Variants in EXOC4 observed in about 807,000 individuals in gnomAD.
The protein encoded by EXOC4 is exocyst complex component 4, also known as SEC8-like 1.
A neutral mutation model predicts 107.2 loss-of-function variants in EXOC4; 71 were observed. The observed-to-expected ratio is 0.66, with a 90% CI of 0.55 to 0.81. The LOEUF is 0.81. EXOC4 is among the 30% of genes least tolerant of loss of function. EXOC4 has a pLI of 0.00. For missense variants in EXOC4, 1,108 were observed against 1,189.6 expected (o/e 0.93, Z 1.01); for synonymous variants, 456 against 441.2 (o/e 1.03, Z -0.42).
chr7:133,842,525 C>T lies in EXOC4; in HGVS notation c.1734+24981C>T, dbSNP rs150499583. Among the ~76,000 whole-genome samples, 740 of 152,202 alleles carry T rather than the reference C, an allele frequency of 4.9e-3. 3 individuals carry two copies. Among genetic ancestry groups the T allele is most frequent in the Middle Eastern group, 0.017 (5 of 294 alleles). On this transcript the variant is annotated intron_variant, in intron 11 of 17. Transcript: ENST00000253861. ...TATTGCTTGTAAATTTGTTTCAGTT[C>T]CTAATAGATGCTAGATATTAGACCT...
At chr7:133,353,890 C>T (rs1489440374) in intron 5 of EXOC4, among the ~76,000 whole-genome samples, 2 of 151,996 alleles carry the variant, frequency 1.3e-5, no homozygotes, top group African/African-American at 4.8e-5. Flanking sequence ...TCCCTGCTCA[C>T]ATCTGCCTTT....
intron 17 of EXOC4, among the ~76,000 whole-genome samples, chr7:134,052,175 T>A (rs1472257124): frequency 6.6e-6 from 1 of 151,974 alleles, no homozygotes; most frequent in Non-Finnish European, 1.5e-5. Context: ...GTTCAAGAAA[T>A]TCAACAATGA....
intron 7 of EXOC4, among the ~76,000 whole-genome samples, chr7:133,387,398 G>A (rs1437412779): frequency 6.6e-6 from 1 of 152,118 alleles, no homozygotes; most frequent in African/African-American, 2.4e-5. Flanking sequence ...CTAGACATCG[G>A]TGCTCTAACT....
chr7:133,512,355 G>A (rs1799785658), intron 9 of EXOC4, among the ~76,000 whole-genome samples: 1 of 152,062 alleles, frequency 6.6e-6, no homozygotes, highest in Non-Finnish European at 1.5e-5. Context: ...CTAGAACCCA[G>A]GAGGCAGAGG....
chr7:133,453,730 C>T (rs578162154), intron 7 of EXOC4, among the ~76,000 whole-genome samples: 4 of 151,896 alleles, frequency 2.6e-5, no homozygotes, highest in South Asian at 2.1e-4. Flanking sequence ...CTAAAGTTAT[C>T]GTCTCTTGGT....
chr7:133,426,674 T>C (rs1481168001), intron 7 of EXOC4, among the ~76,000 whole-genome samples: 2 of 152,264 alleles, frequency 1.3e-5, no homozygotes, highest in East Asian at 3.8e-4. Context: ...AGACAGTATT[T>C]GTAAATACAT....
intron 14 of EXOC4, among the ~76,000 whole-genome samples, chr7:133,971,919 A>G (rs943462659): frequency 3.3e-5 from 5 of 152,206 alleles, no homozygotes; most frequent in African/African-American, 1.2e-4. Flanking sequence ...TCAGAGCTAC[A>G]TGGGGCATCC....
intron 7 of EXOC4, among the ~76,000 whole-genome samples, chr7:133,425,738 G>A (rs768805371): frequency 2.6e-5 from 4 of 152,110 alleles, no homozygotes; most frequent in Admixed American, 2.6e-4. Flanking sequence ...TCTCTCTCAG[G>A]CCTACAACCT....
intron 10 of EXOC4, among the ~76,000 whole-genome samples, chr7:133,773,381 C>T (rs1490727488): frequency 1.3e-5 from 2 of 151,790 alleles, no homozygotes; most frequent in African/African-American, 4.8e-5. Flanking sequence ...CACTTAATGC[C>T]CTTCTGTCAA....
At chr7:133,343,419 A>G (rs1563027426) in intron 5 of EXOC4, among the ~76,000 whole-genome samples, 2 of 151,932 alleles carry the variant, frequency 1.3e-5, no homozygotes, top group Non-Finnish European at 2.9e-5. Flanking sequence ...CACTTGCTCC[A>G]GTTACCACCA....
chr7:133,770,068 T>C (rs905970242), intron 10 of EXOC4, among the ~76,000 whole-genome samples: 1 of 84,486 alleles, frequency 1.2e-5, no homozygotes, highest in African/African-American at 4.5e-5. Context: ...CATCTATACA[T>C]GTGGAATGTC....
chr7:133,983,578 C>A (rs373250854), intron 14 of EXOC4, among the ~76,000 whole-genome samples: 1 of 151,814 alleles, frequency 6.6e-6, no homozygotes, highest in East Asian at 1.9e-4. Context: ...GTGAATAAGC[C>A]GTTCCCTAAG....
intron 10 of EXOC4, among the ~76,000 whole-genome samples, chr7:133,794,505 A>G (rs1796772673): frequency 6.6e-6 from 1 of 152,120 alleles, no homozygotes; most frequent in Non-Finnish European, 1.5e-5. Context: ...GAAATCTCAA[A>G]ATTAAGTTAC....
chr7:133,326,108 T>A (rs1444658269), intron 5 of EXOC4, among the ~76,000 whole-genome samples: 1 of 152,234 alleles, frequency 6.6e-6, no homozygotes, highest in Non-Finnish European at 1.5e-5. Flanking sequence ...TAGTTAGCCA[T>A]TCGTCTAATC....
chr7:133,585,840 T>G (rs1259184175), intron 9 of EXOC4, among the ~76,000 whole-genome samples: 1 of 152,018 alleles, frequency 6.6e-6, no homozygotes, highest in Non-Finnish European at 1.5e-5. Flanking sequence ...ACTACAGGCA[T>G]GCACCACCAC....
chr7:134,094,772 T>C, the EXOC4 span, among the ~76,000 whole-genome samples: 1 of 152,038 alleles, frequency 6.6e-6, no homozygotes, highest in Non-Finnish European at 1.5e-5. Flanking sequence ...AATATTTCAA[T>C]AAAATCCAAC....
Position 133,845,108 on chromosome 7 carries a change from G to C in EXOC4, c.1734+27564G>C, listed in dbSNP as rs1798097728. Among the ~76,000 whole-genome samples, 3 of 152,106 alleles carry C rather than the reference G, an allele frequency of 2.0e-5. No homozygotes were observed. In the South Asian group the frequency reaches 6.2e-4, roughly 31 times the overall value. On this transcript the variant is annotated intron_variant, in intron 11 of 17. Transcript: ENST00000253861. ...ATGTGTTTTCTCTTTGTATGAAATAGAGTGAATAAACTATTGCCTATTTAG... is the reference window on the plus strand; with the variant it reads ...ATGTGTTTTCTCTTTGTATGAAATACAGTGAATAAACTATTGCCTATTTAG...
intron 13 of EXOC4, among the ~76,000 whole-genome samples, chr7:133,929,036 G>A (rs965847547): frequency 6.3e-5 from 9 of 142,672 alleles, no homozygotes; most frequent in African/African-American, 1.6e-4. Flanking sequence ...GGGTTCAAGC[G>A]ATTCTTCTGC....
At position 133,614,368 on chromosome 7, in the gene EXOC4, G is replaced by T. The variant is rs553810197; in HGVS notation, c.1418-15677G>T. Among the ~76,000 whole-genome samples, 3 of 152,148 alleles carry T rather than the reference G, an allele frequency of 2.0e-5. No homozygotes were observed. The South Asian group carries it at 6.2e-4, about 32-fold the overall frequency. On this transcript the variant is annotated intron_variant, in intron 9 of 17. Coordinates refer to ENST00000253861, the MANE Select transcript of EXOC4 (RefSeq NM_021807.4). The stretch of plus-strand genomic sequence containing the variant: ...CTTGAATAACAAGAACCTTTTTCTG[G>T]GGTGGTTCCATTGATGCTTTGTCCC...
Sources: allele counts gnomAD v4.1 joint callset (sites outside exome capture counted in the v4.1 genomes callset), GRCh38; gene constraint gnomAD v4.1.1; transcripts MANE v1.5; gene names NCBI Gene and HGNC (gene_info 2026-07-23, HGNC 2026-07-21).